The following CDKL4 variants were observed in gnomAD, a reference collection of about 807,000 sequenced individuals.
The protein encoded by CDKL4 is cyclin-dependent kinase-like 4.
CDKL4 carries 44 observed loss-of-function variants against 42.0 expected under a neutral mutation model. That is an observed-to-expected ratio of 1.05 (90% CI 0.82 to 1.35). CDKL4 has a LOEUF of 1.35. CDKL4 is among the 40% of genes most tolerant of loss of function. The pLI, the probability that CDKL4 is intolerant of heterozygous loss-of-function variation, is 0.00. For missense variants in CDKL4, 393 were observed against 369.9 expected (o/e 1.06, Z -0.51); for synonymous variants, 120 against 121.6 (o/e 0.99, Z 0.09).
rs373665626 is a variant in CDKL4, at chr2:39,242,604, A to G, written c.-57+1267T>C. 9.2e-5 allele frequency among the ~76,000 whole-genome samples: 14 copies of G among 152,314 alleles called. No individual in the cohort carries two copies. In the East Asian group the frequency reaches 1.4e-3, roughly 15 times the overall value. On this transcript the variant is annotated intron_variant, in intron 1 of 9. Transcript: ENST00000451199. ...AGGGTTTGCAAAATGATGTACACAGAAACAGAATAGACTTGGAGGTAGGTT... is the reference window on the plus strand; with the variant it reads ...AGGGTTTGCAAAATGATGTACACAGGAACAGAATAGACTTGGAGGTAGGTT...
intron 8 of CDKL4, among the ~76,000 whole-genome samples, chr2:39,181,578 G>A (rs1256003888): frequency 6.6e-6 from 1 of 152,128 alleles, no homozygotes; most frequent in Non-Finnish European, 1.5e-5. Flanking sequence ...CAGGACCTCA[G>A]AATGTTACCT....
chr2:39,198,838 T>C (rs1450931967), intron 5 of CDKL4, among the ~76,000 whole-genome samples: 3 of 151,946 alleles, frequency 2.0e-5, no homozygotes, highest in African/African-American at 7.3e-5. Flanking sequence ...GCAAAGGCAA[T>C]GCCAAGAGGA....
rs1429901259 is a variant in CDKL4 at position 39,185,385 on chromosome 2, T to C, written c.736-738A>G. 8.6e-4 allele frequency among the ~76,000 whole-genome samples: 13 copies of C among 15,194 alleles called. 1 individual carries two copies. Among genetic ancestry groups the C allele is most frequent in the African/African-American group, 6.3e-4 (4 of 6,316 alleles). The allele number at this position is 15,194 out of a possible 152,430, so 10.0% of individuals were successfully genotyped here. A position where few individuals can be genotyped will look rare whatever the true frequency, so the allele number is the denominator to read the frequency against. ...ACATATATATATACATATGTATATATACATGTATATATACATATGTGTATA... is the reference window on the plus strand; with the variant it reads ...ACATATATATATACATATGTATATACACATGTATATATACATATGTGTATA... On this transcript the variant is annotated intron_variant, in intron 7 of 9. Coordinates refer to ENST00000451199, the Ensembl canonical transcript of CDKL4.
At chr2:39,229,331 C>A (rs761017908) in intron 2 of CDKL4, 34 bp downstream of exon 2, 2 of 1,412,892 alleles carry the variant, frequency 1.4e-6, no homozygotes, top group Non-Finnish European at 1.9e-6. Flanking sequence ...CACTCAATTC[C>A]ATGATATTTT....
intron 1 of CDKL4, among the ~76,000 whole-genome samples, chr2:39,240,510 A>G (rs535376050): frequency 4.6e-5 from 7 of 152,016 alleles, no homozygotes; most frequent in African/African-American, 9.7e-5. Flanking sequence ...TAACAATGAC[A>G]TGTAAGCAAA....
chr2:39,240,420 CAAAAA>C (rs1186226288), intron 1 of CDKL4, among the ~76,000 whole-genome samples: 1 of 84,214 alleles, frequency 1.2e-5, no homozygotes, highest in Non-Finnish European at 2.5e-5. Context: ...GACTTCGTCT[CAAAAA>C]AAAAAAAAAA....
At chr2:39,185,788 T>C (rs1675798550) in intron 7 of CDKL4, among the ~76,000 whole-genome samples, 1 of 152,052 alleles carries the variant, frequency 6.6e-6, no homozygotes, top group Admixed American at 6.6e-5. Context: ...ATCACTCTTT[T>C]ATATAATTGT....
At chr2:39,182,724 C>A (rs990353150) in intron 8 of CDKL4, among the ~76,000 whole-genome samples, 14 of 152,176 alleles carry the variant, frequency 9.2e-5, no homozygotes, top group Non-Finnish European at 1.6e-4. Flanking sequence ...TCTTGATGGA[C>A]CAGCTGAAGC....
intron 4 of CDKL4, 43 bp downstream of exon 4, chr2:39,213,357 C>G (rs1309360049): frequency 1.6e-6 from 2 of 1,222,858 alleles, no homozygotes. Flanking sequence ...AGAAAAGAGT[C>G]ATCATGAAGA....
chr2:39,209,689 G>A (rs961199711), intron 4 of CDKL4, among the ~76,000 whole-genome samples: 3 of 152,180 alleles, frequency 2.0e-5, no homozygotes, highest in Non-Finnish European at 2.9e-5. Flanking sequence ...GTCCTGTTTA[G>A]GATCTCGACT....
chr2:39,226,401 T>G (rs1678715221), intron 2 of CDKL4, among the ~76,000 whole-genome samples: 1 of 147,030 alleles, frequency 6.8e-6, no homozygotes, highest in Non-Finnish European at 1.5e-5. Context: ...ACAATTAGTC[T>G]GTGTTTTAAA....
upstream of CDKL4, among the ~76,000 whole-genome samples, chr2:39,245,216 A>G (rs1286866540): frequency 6.6e-6 from 1 of 152,150 alleles, no homozygotes; most frequent in Admixed American, 6.5e-5. Flanking sequence ...ATGAGTTGTA[A>G]CACTCACCGC....
intron 7 of CDKL4, among the ~76,000 whole-genome samples, chr2:39,185,218 A>G (rs1373760314): frequency 2.2e-4 from 1 of 4,572 alleles, no homozygotes. Flanking sequence ...GTATATATAC[A>G]TATATACACA....
At chr2:39,215,807 G>A (rs1677882775) in intron 3 of CDKL4, among the ~76,000 whole-genome samples, 1 of 152,188 alleles carries the variant, frequency 6.6e-6, no homozygotes, top group Non-Finnish European at 1.5e-5. Context: ...ATGGTGGCAT[G>A]TCCTTGACAT....
intron 1 of CDKL4, among the ~76,000 whole-genome samples, chr2:39,233,320 G>A (rs914766308): frequency 2.0e-5 from 3 of 152,110 alleles, no homozygotes; most frequent in Non-Finnish European, 4.4e-5. Context: ...AGGAAGGGGT[G>A]TAAAAGTAAC....
intron 4 of CDKL4, among the ~76,000 whole-genome samples, chr2:39,204,994 T>C (rs1050093581): frequency 6.6e-6 from 1 of 151,360 alleles, no homozygotes; most frequent in Admixed American, 6.6e-5. Flanking sequence ...CCCTGGGCAA[T>C]GCAATGAGAC....
rs116492585 is a variant in CDKL4 at position 39,216,170 on chromosome 2, T to C, written c.291-2698A>G. On this transcript the variant is annotated intron_variant, in intron 3 of 9. Transcript: ENST00000451199. ...TGTGTAATACTAGAATAATATCTTA[T>C]AAGTTATTTGAGTAATCTATCCCCT... Among the ~76,000 whole-genome samples the C allele has an allele frequency of 7.3e-3, 1,116 of 152,334 alleles. 11 individuals carry two copies. The highest frequency in any genetic ancestry group is 0.026 in the African/African-American group (1,071 of 41,572).
At chr2:39,212,631 A>G (rs990870284) in intron 4 of CDKL4, among the ~76,000 whole-genome samples, 1 of 151,980 alleles carries the variant, frequency 6.6e-6, no homozygotes, top group African/African-American at 2.4e-5. Context: ...AAAAAGTACC[A>G]TGGGGGATTA....
intron 5 of CDKL4, among the ~76,000 whole-genome samples, chr2:39,197,995 A>C (rs1296093577): frequency 6.6e-6 from 1 of 152,188 alleles, no homozygotes; most frequent in Non-Finnish European, 1.5e-5. Flanking sequence ...CTCAATACTG[A>C]TGTTGGATGT....
Sources: gnomAD v4.1 joint callset for allele counts (sites outside exome capture counted in the v4.1 genomes callset) on GRCh38, gnomAD v4.1.1 for gene constraint, MANE v1.5 for transcripts, NCBI Gene and HGNC (gene_info 2026-07-23, HGNC 2026-07-21) for gene names.